Variants in ALK observed in about 807,000 individuals in gnomAD.
ALK encodes the protein ALK tyrosine kinase receptor.
Under a neutral mutation model 163.1 loss-of-function variants are expected in ALK, and 74 were observed. That is an observed-to-expected ratio of 0.45 (90% CI 0.38 to 0.55). The LOEUF is 0.55. Ranked by LOEUF, ALK falls within the 20% of genes least tolerant of loss-of-function variation. The pLI is 0.00. For missense variants in ALK, 2,063 were observed against 2,105.3 expected, an observed-to-expected ratio of 0.98 and a Z score of 0.39; for synonymous variants, 960 against 843.2, an observed-to-expected ratio of 1.14 and a Z score of -2.40.
At chr2:29,312,303 A>G (rs1666718086) in intron 8 of ALK, among the ~76,000 whole-genome samples, 4 of 152,154 alleles carry the variant, frequency 2.6e-5, no homozygotes, top group African/African-American at 7.2e-5. Context: ...CATGTTTCAT[A>G]TCTCCTCTCA....
chr2:29,911,077 C>A (rs1667688862), intron 1 of ALK, among the ~76,000 whole-genome samples: 1 of 152,134 alleles, frequency 6.6e-6, no homozygotes, highest in African/African-American at 2.4e-5. Flanking sequence ...AAAAGCAATT[C>A]ATATGAAGGC....
At position 29,193,023 on chromosome 2, in the gene ALK, T is replaced by G; in HGVS notation, c.*201A>C. 1.6e-6 allele frequency: 1 copy of G among 614,512 alleles called. No homozygotes were observed. The highest frequency in any genetic ancestry group is 2.9e-5 in the East Asian group (1 of 34,954). The allele number at this position is 614,512 out of a possible 1,614,324, so 38.1% of individuals were successfully genotyped here. A position where few individuals can be genotyped will look rare whatever the true frequency, so the allele number is the denominator to read the frequency against. On this transcript the variant is annotated 3_prime_UTR_variant, in exon 29 of 29. Coordinates refer to ENST00000389048, the MANE Select transcript of ALK (RefSeq NM_004304.5). ...ATCACTCATTTTTATGATATTTTCT[T>G]CTTTCGAAAGAATAGGATGAACCCA...
intron 4 of ALK, among the ~76,000 whole-genome samples, chr2:29,398,055 G>T (rs916342991): frequency 2.6e-5 from 4 of 152,154 alleles, no homozygotes; most frequent in Admixed American, 2.6e-4. Flanking sequence ...GACTTTCGAG[G>T]GTCAGCTCAA....
At chr2:29,472,409 T>A (rs963117933) in intron 4 of ALK, among the ~76,000 whole-genome samples, 2 of 152,244 alleles carry the variant, frequency 1.3e-5, no homozygotes, top group Non-Finnish European at 2.9e-5. Flanking sequence ...TATGCCATTG[T>A]AGGAACTGGA....
At chr2:29,259,149 T>C (rs1475161141) in intron 11 of ALK, among the ~76,000 whole-genome samples, 2 of 152,222 alleles carry the variant, frequency 1.3e-5, no homozygotes, top group Non-Finnish European at 2.9e-5. Context: ...CATGTGATAG[T>C]TGAATTAGAA....
chr2:29,255,455 C>T (rs1442311741), intron 11 of ALK, among the ~76,000 whole-genome samples: 2 of 152,146 alleles, frequency 1.3e-5, no homozygotes, highest in Admixed American at 6.6e-5. Context: ...ATACTTGAAA[C>T]ATTTAAAAAG....
intron 3 of ALK, among the ~76,000 whole-genome samples, chr2:29,540,989 A>G (rs1421786046): frequency 6.6e-6 from 1 of 152,174 alleles, no homozygotes; most frequent in African/African-American, 2.4e-5. Context: ...GACTCTAAAA[A>G]AAAAGTAGTT....
At chr2:29,705,792 G>C (rs150436736) in intron 2 of ALK, among the ~76,000 whole-genome samples, 2 of 152,308 alleles carry the variant, frequency 1.3e-5, no homozygotes, top group East Asian at 3.9e-4. Context: ...GCCCTGCATG[G>C]TGACTTGCAC....
intron 3 of ALK, among the ~76,000 whole-genome samples, chr2:29,562,159 C>T (rs1433249902): frequency 1.3e-5 from 2 of 152,172 alleles, no homozygotes; most frequent in Non-Finnish European, 2.9e-5. Context: ...GGGTGGGTGC[C>T]GTCTGTGGCT....
chr2:29,303,886 T>C (rs1236640903), intron 8 of ALK, among the ~76,000 whole-genome samples: 1 of 151,948 alleles, frequency 6.6e-6, no homozygotes, highest in Non-Finnish European at 1.5e-5. Flanking sequence ...CTCTAAAAGG[T>C]GGGAGAGTAG....
At chr2:29,451,986 A>G (rs2148092910) in intron 4 of ALK, among the ~76,000 whole-genome samples, 1 of 152,338 alleles carries the variant, frequency 6.6e-6, no homozygotes, top group South Asian at 2.1e-4. Context: ...CCGAACTTTA[A>G]AATGTTTATT....
chr2:29,905,726 C>T (rs1667528035), intron 1 of ALK, among the ~76,000 whole-genome samples: 1 of 152,108 alleles, frequency 6.6e-6, no homozygotes, highest in Admixed American at 6.5e-5. Context: ...AAATTTTGTG[C>T]TTTCCCCCTT....
At chr2:29,203,668 G>A (rs1669241201) in intron 26 of ALK, among the ~76,000 whole-genome samples, 1 of 151,226 alleles carries the variant, frequency 6.6e-6, no homozygotes, top group Non-Finnish European at 1.5e-5. Context: ...TGTATTTTTA[G>A]TAGAGACGGG....
At chr2:29,797,628 T>C (rs1664352359) in intron 1 of ALK, among the ~76,000 whole-genome samples, 1 of 152,180 alleles carries the variant, frequency 6.6e-6, no homozygotes, top group Non-Finnish European at 1.5e-5. Flanking sequence ...TTGCTTAGTG[T>C]AGAAGGACTC....
intron 4 of ALK, among the ~76,000 whole-genome samples, chr2:29,453,258 G>A (rs182874287): frequency 6.6e-6 from 1 of 152,160 alleles, no homozygotes; most frequent in African/African-American, 2.4e-5. Context: ...CTGAGACAGA[G>A]TCTCAGTCTG....
chr2:29,619,002 A>T (rs1175384786), intron 3 of ALK, among the ~76,000 whole-genome samples: 9 of 19,364 alleles, frequency 4.6e-4, no homozygotes, highest in Non-Finnish European at 5.2e-4. Flanking sequence ...AAAATAAATA[A>T]AAAAAAAAAA....
intron 5 of ALK, among the ~76,000 whole-genome samples, chr2:29,335,041 G>C (rs1296563058): frequency 6.6e-6 from 1 of 152,136 alleles, no homozygotes; most frequent in Non-Finnish European, 1.5e-5. Flanking sequence ...TGAGGCCCCG[G>C]CTGGCCACAG....
At chr2:29,257,346 T>C (rs1664975322) in intron 11 of ALK, among the ~76,000 whole-genome samples, 1 of 152,054 alleles carries the variant, frequency 6.6e-6, no homozygotes. Flanking sequence ...CCCACAAATA[T>C]CAAAATACTG....
chr2:29,399,745 G>A (rs2148314164), intron 4 of ALK, among the ~76,000 whole-genome samples: 1 of 152,252 alleles, frequency 6.6e-6, no homozygotes, highest in African/African-American at 2.4e-5. Context: ...GGCATGAGAG[G>A]GGCTTATATG....
Sources: gnomAD v4.1 joint callset for allele counts (sites outside exome capture counted in the v4.1 genomes callset) on GRCh38, gnomAD v4.1.1 for gene constraint, MANE v1.5 for transcripts, NCBI Gene and HGNC (gene_info 2026-07-23, HGNC 2026-07-21) for gene names.